Variants in PARD3B observed in about 807,000 individuals in gnomAD.
PARD3B encodes partitioning defective 3 homolog B.
PARD3B carries 103 observed loss-of-function variants against 130.2 expected under a neutral mutation model. That is an observed-to-expected ratio of 0.79 (90% CI 0.67 to 0.93). PARD3B has a LOEUF of 0.93. Among genes scored for constraint, PARD3B ranks in the 40% least tolerant of loss-of-function variants. The probability of loss-of-function intolerance (pLI) is 0.00; values close to 1 mark genes in which losing one functional copy is unlikely to be tolerated. For missense variants in PARD3B, 1,609 were observed against 1,499.2 expected (o/e 1.07, Z -1.21); for synonymous variants, 583 against 553.2 (o/e 1.05, Z -0.76).
chr2:205,468,967 CT>C (rs76646191), intron 20 of PARD3B, among the ~76,000 whole-genome samples: 1,782 of 145,536 alleles, frequency 0.012, 6 homozygotes, highest in Middle Eastern at 0.022. Flanking sequence ...TCCCCTCTAT[CT>C]TTTTTTTTTT....
At chr2:204,960,029 A>G (rs569347225) in intron 2 of PARD3B, among the ~76,000 whole-genome samples, 4 of 152,276 alleles carry the variant, frequency 2.6e-5, no homozygotes, top group Non-Finnish European at 5.9e-5. Context: ...ATCTTTTCAT[A>G]TTGAAAAGAA....
At chr2:205,390,075 ACT>A (rs985370740) in intron 18 of PARD3B, among the ~76,000 whole-genome samples, 2 of 149,964 alleles carry the variant, frequency 1.3e-5, no homozygotes, top group African/African-American at 2.5e-5. Flanking sequence ...TAATATAATA[ACT>A]CTTTTTATTG....
chr2:204,702,889 GTT>G, intron 2 of PARD3B, among the ~76,000 whole-genome samples: 1 of 151,912 alleles, frequency 6.6e-6, no homozygotes, highest in Admixed American at 6.6e-5. Context: ...AGAGTTATTT[GTT>G]TTTTTTCTTG....
intron 4 of PARD3B, among the ~76,000 whole-genome samples, chr2:205,051,819 A>G (rs1699210803): frequency 6.6e-6 from 1 of 152,208 alleles, no homozygotes; most frequent in Admixed American, 6.6e-5. Context: ...TAAATCTGGT[A>G]TTTGTTATTT....
At chr2:204,810,631 A>G (rs190420274) in intron 2 of PARD3B, among the ~76,000 whole-genome samples, 1 of 151,414 alleles carries the variant, frequency 6.6e-6, no homozygotes, top group African/African-American at 2.4e-5. Flanking sequence ...TGTATGTTGA[A>G]CCAACCTTGC....
At chr2:205,283,974 A>T (rs1295729602) in intron 16 of PARD3B, among the ~76,000 whole-genome samples, 4 of 152,180 alleles carry the variant, frequency 2.6e-5, no homozygotes, top group African/African-American at 9.6e-5. Context: ...TCAGATTTCT[A>T]GAAAAACTTT....
intron 14 of PARD3B, among the ~76,000 whole-genome samples, chr2:205,190,680 G>C (rs931808297): frequency 6.6e-6 from 1 of 152,176 alleles, no homozygotes; most frequent in African/African-American, 2.4e-5. Flanking sequence ...GAGAGATGAG[G>C]TGACCTTTAA....
intron 2 of PARD3B, among the ~76,000 whole-genome samples, chr2:204,873,917 C>T (rs1191134582): frequency 1.3e-5 from 2 of 151,868 alleles, no homozygotes; most frequent in Non-Finnish European, 2.9e-5. Context: ...CTGAGGGGAG[C>T]GGATCACTTG....
At chr2:204,749,469 GA>G (rs2040376490) in intron 2 of PARD3B, among the ~76,000 whole-genome samples, 1 of 152,096 alleles carries the variant, frequency 6.6e-6, no homozygotes, top group African/African-American at 2.4e-5. Context: ...ATATGAGTAG[GA>G]AAATAGATGA....
intron 19 of PARD3B, among the ~76,000 whole-genome samples, chr2:205,411,131 A>G (rs1206604513): frequency 6.6e-6 from 1 of 152,160 alleles, no homozygotes; most frequent in Non-Finnish European, 1.5e-5. Context: ...GGTAGAACTC[A>G]AGCATCTTTC....
intron 15 of PARD3B, among the ~76,000 whole-genome samples, chr2:205,233,465 A>T (rs1456349935): frequency 6.6e-6 from 1 of 152,128 alleles, no homozygotes; most frequent in African/African-American, 2.4e-5. Context: ...GTGTTTTAAA[A>T]TTTTCCTTAT....
chr2:204,679,463 T>C (rs2036717628), intron 1 of PARD3B, among the ~76,000 whole-genome samples: 1 of 152,182 alleles, frequency 6.6e-6, no homozygotes, highest in African/African-American at 2.4e-5. Flanking sequence ...GAATTCTAGT[T>C]GCTTTGTATT....
chr2:205,434,725 G>C lies in PARD3B; in HGVS notation c.2742-5645G>C, dbSNP rs192181384. On this transcript the variant is annotated intron_variant, in intron 19 of 22. Coordinates refer to ENST00000406610, the MANE Select transcript of PARD3B (RefSeq NM_001302769.2). ...TAAAGAGACCAAATAAAAGTTCAGTGAACAATAATTTGAAGAAAATTGTCA... is the reference window on the plus strand; with the variant it reads ...TAAAGAGACCAAATAAAAGTTCAGTCAACAATAATTTGAAGAAAATTGTCA... 5.4e-4 allele frequency among the ~76,000 whole-genome samples: 82 copies of C among 152,202 alleles called. No homozygotes were observed. The Middle Eastern group carries it at 0.01, about 19-fold the overall frequency.
At chr2:205,515,451 A>G (rs1343157118) in intron 21 of PARD3B, among the ~76,000 whole-genome samples, 1 of 149,802 alleles carries the variant, frequency 6.7e-6, no homozygotes, top group African/African-American at 2.5e-5. Flanking sequence ...ACTAATTTAC[A>G]CTCTCACCAA....
chr2:204,972,107 A>G (rs1266082535), intron 3 of PARD3B, among the ~76,000 whole-genome samples: 1 of 152,196 alleles, frequency 6.6e-6, no homozygotes, highest in Non-Finnish European at 1.5e-5. Flanking sequence ...CCTAAAGACA[A>G]GTAGCCCCTA....
At chr2:205,587,723 T>C (rs1486244320) in intron 22 of PARD3B, among the ~76,000 whole-genome samples, 1 of 152,216 alleles carries the variant, frequency 6.6e-6, no homozygotes, top group Admixed American at 6.5e-5. Context: ...CCACGAACTC[T>C]ACCCCTGACA....
intron 21 of PARD3B, among the ~76,000 whole-genome samples, chr2:205,526,967 G>T (rs2051366048): frequency 6.6e-6 from 1 of 152,046 alleles, no homozygotes; most frequent in African/African-American, 2.4e-5. Context: ...ATTCTATGTG[G>T]GGACACAAGT....
chr2:205,243,065 CTGAGGCAGAAGAAT>C (rs2039422693), intron 15 of PARD3B, among the ~76,000 whole-genome samples: 1 of 151,996 alleles, frequency 6.6e-6, no homozygotes, highest in African/African-American at 2.4e-5. Flanking sequence ...ACTCAGGAGG[CTGAGGCAGAAGAAT>C]TGGTTGAACT....
chr2:204,851,720 A>C (rs2044712714), intron 2 of PARD3B, among the ~76,000 whole-genome samples: 1 of 152,164 alleles, frequency 6.6e-6, no homozygotes, highest in Non-Finnish European at 1.5e-5. Flanking sequence ...AAGAATAAAA[A>C]CACATGGATG....
Sources: gnomAD v4.1 joint callset for allele counts (sites outside exome capture counted in the v4.1 genomes callset) on GRCh38, gnomAD v4.1.1 for gene constraint, MANE v1.5 for transcripts, NCBI Gene and HGNC (gene_info 2026-07-23, HGNC 2026-07-21) for gene names.